Variants in CORO7 observed in about 807,000 individuals in gnomAD.
CORO7 encodes the protein coronin-7.
A neutral mutation model predicts 126.6 loss-of-function variants in CORO7; 107 were observed. That is an observed-to-expected ratio of 0.85 (90% CI 0.72 to 0.99). CORO7 has a LOEUF of 0.99. Ranked by LOEUF, CORO7 falls within the 50% of genes least tolerant of loss-of-function variation. The pLI, the probability that CORO7 is intolerant of heterozygous loss-of-function variation, is 0.00. For synonymous variants in CORO7, 603 were observed against 536.8 expected, an observed-to-expected ratio of 1.12 and a Z score of -1.70; for missense variants, 1,314 against 1,255.8, an observed-to-expected ratio of 1.05 and a Z score of -0.70.
chr16:4,395,277 C>A lies in CORO7; in HGVS notation c.615+12G>T, dbSNP rs1313967256. The A allele has an allele frequency of 3.1e-6, 5 of 1,613,908 alleles. No individual in the cohort carries two copies. In the African/African-American group the frequency reaches 6.7e-5, roughly 22 times the overall value. On this transcript the variant is annotated intron_variant, in intron 7 of 27. Transcript: ENST00000251166. ...AGGCTTCAACCCACCCCAGCTTGCC[C>A]ACACAACTCACCTGAGAGGCCCGCG... is the stretch of plus-strand genomic sequence containing the variant.
At chr16:4,389,129 AC>A (rs1186855774) in intron 7 of CORO7, among the ~76,000 whole-genome samples, 3 of 152,224 alleles carry the variant, frequency 2.0e-5, no homozygotes, top group African/African-American at 7.2e-5. Flanking sequence ...CACCGTGTAA[AC>A]TGGGGGATTT....
intron 3 of CORO7, among the ~76,000 whole-genome samples, chr16:4,411,131 C>T (rs548622137): frequency 1.1e-4 from 16 of 152,260 alleles, no homozygotes; most frequent in African/African-American, 2.2e-4. Context: ...GGTAATCTGA[C>T]GGGGCCCCAA....
At chr16:4,374,028 C>G (rs1165969669) in intron 9 of CORO7, among the ~76,000 whole-genome samples, 1 of 152,146 alleles carries the variant, frequency 6.6e-6, no homozygotes, top group Non-Finnish European at 1.5e-5. Context: ...GCCAAGAAAA[C>G]CAGCTCCCCT....
chr16:4,391,485 G>A (rs2055387486), intron 7 of CORO7, among the ~76,000 whole-genome samples: 1 of 152,222 alleles, frequency 6.6e-6, no homozygotes, highest in Non-Finnish European at 1.5e-5. Context: ...GAACCTGGGA[G>A]GTGGAGCTCG....
rs762764942 is a variant in CORO7 at position 4,408,263 on chromosome 16, G to A, written c.233-12C>T. ...GTCGGTGACTAGGTCTGTGGGAGAG[G>A]AATGGCTGAACCCACCGGAATGTCC... On this transcript the variant is annotated splice_polypyrimidine_tract_variant and intron_variant, in intron 3 of 27. Transcript: ENST00000251166. The A allele has an allele frequency of 1.2e-6, 2 of 1,614,188 alleles. No individual in the cohort carries two copies. The highest frequency in any genetic ancestry group is 2.2e-5 in the South Asian group (2 of 91,086).
intron 6 of CORO7, among the ~76,000 whole-genome samples, chr16:4,403,932 T>C (rs1260717602): frequency 1.3e-5 from 2 of 152,140 alleles, no homozygotes; most frequent in Admixed American, 1.3e-4. Context: ...TCACTCTGCC[T>C]GGGAAGCCGT....
chr16:4,407,776 C>A, intron 4 of CORO7, 92 bp from the exon 5 acceptor site: 1 of 1,427,362 alleles, frequency 7.0e-7, no homozygotes, highest in Non-Finnish European at 9.3e-7. Context: ...CGTGTTGGAA[C>A]TAGGCTGCTC....
At chr16:4,407,082 G>C (rs1490213397) in intron 5 of CORO7, among the ~76,000 whole-genome samples, 3 of 152,010 alleles carry the variant, frequency 2.0e-5, no homozygotes, top group African/African-American at 7.3e-5. Context: ...TGAGTAGCTG[G>C]GATTACAGGT....
At position 4,394,310 on chromosome 16, in the gene CORO7, G is replaced by A. The variant is rs570752438; in HGVS notation, c.615+979C>T. Among the ~76,000 whole-genome samples, 10 of 151,536 alleles carry A rather than the reference G, an allele frequency of 6.6e-5. No individual in the cohort carries two copies. In the South Asian group the frequency reaches 1.7e-3, roughly 25 times the overall value. Reference sequence around the variant, plus strand: ...AATACAAAAACAAAAATAGCCGGGCGTGGTGGCGGTCGCCTGTAGTCCCAG... The same window carrying A: ...AATACAAAAACAAAAATAGCCGGGCATGGTGGCGGTCGCCTGTAGTCCCAG... On this transcript the variant is annotated intron_variant, in intron 7 of 27. Transcript: ENST00000251166.
Position 4,381,855 on chromosome 16 carries a change from G to A in CORO7, c.785+6131C>T, listed in dbSNP as rs141060885. 562 of 1,602,430 alleles carry A rather than the reference G, an allele frequency of 3.5e-4. 2 individuals carry two copies. In the African/African-American group the frequency reaches 6.7e-3, roughly 19 times the overall value. On this transcript the variant is annotated intron_variant, in intron 9 of 27. Coordinates refer to ENST00000251166, the MANE Select transcript of CORO7 (RefSeq NM_024535.5). ...TCACACTGGCCAGCCCTGAGGAGAC[G>A]CGCTGCCACTTCCCGCCCAAGAACG...
chr16:4,407,697 C>A lies in CORO7; in HGVS notation c.304-13G>T. 6.4e-7 allele frequency: 1 copy of A among 1,571,470 alleles called. No homozygotes were observed. The highest frequency in any genetic ancestry group is 8.6e-7 in the Non-Finnish European group (1 of 1,160,896). On this transcript the variant is annotated splice_polypyrimidine_tract_variant and intron_variant, in intron 4 of 27. Transcript: ENST00000251166. Reference sequence around the variant, plus strand: ...GCCAGAGTTTTACCTGCAAGAAAGACCAAGTCCGTGAGCACAGGGCTGAGG... The same window carrying A: ...GCCAGAGTTTTACCTGCAAGAAAGAACAAGTCCGTGAGCACAGGGCTGAGG...
rs762293896 is a variant in CORO7 at position 4,361,482 on chromosome 16, C to G, written c.1579-13G>C. ...CAGGCTTCCGTAGCTGTGGGAGGTG[C>G]CCCCACCCCGAGGCCCATCAGTACC... On this transcript the variant is annotated splice_polypyrimidine_tract_variant and intron_variant, in intron 16 of 27. Coordinates refer to ENST00000251166, the MANE Select transcript of CORO7 (RefSeq NM_024535.5). 70 of 1,609,998 alleles carry G rather than the reference C, an allele frequency of 4.3e-5. No homozygotes were observed. The highest frequency in any genetic ancestry group is 1.3e-4 in the Admixed American group (8 of 59,702).
Position 4,360,550 on chromosome 16 carries a change from T to G in CORO7, c.1918-2A>C, listed in dbSNP as rs368156701. ...AGGACTCCAGGCCAGGCTGAAGATCTGGGGGCAGGAAGGGATATGAGAGAC... is the reference window on the plus strand; with the variant it reads ...AGGACTCCAGGCCAGGCTGAAGATCGGGGGGCAGGAAGGGATATGAGAGAC... On this transcript the variant is annotated splice_acceptor_variant, in intron 19 of 27. Coordinates refer to ENST00000251166, the MANE Select transcript of CORO7 (RefSeq NM_024535.5). LOFTEE classifies it high-confidence loss of function. 6.3e-7 allele frequency: 1 copy of G among 1,596,542 alleles called. No homozygotes were observed. Among genetic ancestry groups the G allele is most frequent in the South Asian group, 1.1e-5 (1 of 88,738 alleles).
chr16:4,355,676 A>G (rs1439221308), intron 26 of CORO7: 7 of 318,164 alleles, frequency 2.2e-5, no homozygotes, highest in South Asian at 4.4e-5. Context: ...TCACCGTGTT[A>G]GCCAGGATGG....
chr16:4,358,543 A>G, intron 23 of CORO7, 60 bp from the exon 24 acceptor site: 1 of 1,498,148 alleles, frequency 6.7e-7, no homozygotes, highest in Non-Finnish European at 8.9e-7. Context: ...CTGGGCACGT[A>G]GTCTCCCCAG....
rs569079730 is a variant in CORO7 at position 4,358,368 on chromosome 16, C to T, written c.2456G>A (p.Arg819Gln). The T allele has an allele frequency of 1.9e-4, 310 of 1,612,120 alleles. 2 individuals are homozygous for T. The East Asian group carries it at 5.7e-3, about 30-fold the overall frequency. The change falls in exon 24 of 28, where the codon CGG (arginine) becomes CAG (glutamine). Residue 819 changes from arginine (R) to glutamine (Q), a missense_variant and splice_region_variant. Physicochemically the swap from Arg to Gln is conservative, Grantham distance 43 (BLOSUM62 1). Coordinates refer to ENST00000251166, the MANE Select transcript of CORO7 (RefSeq NM_024535.5). ...GGAGTCCCAGGTCCCCACCCTCACC[C>T]GGACTCGGGGCAGCCGGAAGGCCAC... ...EPVAFRLPRV[R>Q]KEFFQDDVFP... is the part of the protein sequence containing the mutation.
chr16:4,374,757 T>C (rs569522624), intron 9 of CORO7, among the ~76,000 whole-genome samples: 1 of 151,916 alleles, frequency 6.6e-6, no homozygotes, highest in South Asian at 2.1e-4. Flanking sequence ...CCTGGGTGAT[T>C]GTGGGGGGTT....
intron 2 of CORO7, 151 bp from the exon 3 acceptor site, chr16:4,412,581 A>G (rs2141335168): frequency 8.0e-6 from 6 of 748,864 alleles, no homozygotes; most frequent in Non-Finnish European, 1.3e-5. Flanking sequence ...GCACGTAGCA[A>G]TGGCCTGTGG....
At position 4,364,880 on chromosome 16, in the gene CORO7, G is replaced by A; in HGVS notation, c.939C>T (p.Ala313=). The A allele has an allele frequency of 6.2e-7, 1 of 1,611,940 alleles. No homozygotes were observed. The highest frequency in any genetic ancestry group is 1.1e-5 in the South Asian group (1 of 90,872). ...CGGCCAGCGCCTGCCGGGGCACAAGGGCAGCCCCACGCAGCACGCTCTCCA... is the reference window on the plus strand; with the variant it reads ...CGGCCAGCGCCTGCCGGGGCACAAGAGCAGCCCCACGCAGCACGCTCTCCA... ...CVLESVLRGA[A]LVPRQALAVM... The change falls in exon 12 of 28, where the codon GCC becomes GCT. Residue 313 remains alanine, a synonymous_variant. Transcript: ENST00000251166.
Sources: allele counts gnomAD v4.1 joint callset (sites outside exome capture counted in the v4.1 genomes callset), GRCh38; gene constraint gnomAD v4.1.1; transcripts MANE v1.5; gene names NCBI Gene and HGNC (gene_info 2026-07-23, HGNC 2026-07-21).